NRG3: variants seen among roughly 807,000 people sequenced by gnomAD.
NRG3 encodes neuregulin 3.
Under a neutral mutation model 66.9 loss-of-function variants are expected in NRG3, and 31 were observed. The observed-to-expected ratio is 0.46, with a 90% CI of 0.35 to 0.63. NRG3 has a LOEUF of 0.63. NRG3 is among the 20% of genes least tolerant of loss of function. The probability of loss-of-function intolerance (pLI) is 0.00; values close to 1 mark genes in which losing one functional copy is unlikely to be tolerated. For missense variants in NRG3, 910 were observed against 878.9 expected (o/e 1.04, Z -0.45); for synonymous variants, 393 against 359.4 (o/e 1.09, Z -1.06).
chr10:82,669,781 A>C (rs2134025801), intron 2 of NRG3, among the ~76,000 whole-genome samples: 1 of 152,020 alleles, frequency 6.6e-6, no homozygotes, highest in African/African-American at 2.4e-5. Context: ...ACAAAAAATA[A>C]GCCGGGCGTG....
chr10:82,471,942 A>G (rs1354716446), intron 2 of NRG3, among the ~76,000 whole-genome samples: 1 of 152,106 alleles, frequency 6.6e-6, no homozygotes, highest in Admixed American at 6.6e-5. Context: ...GAGCCAAATT[A>G]TAATTGATTC....
intron 3 of NRG3, among the ~76,000 whole-genome samples, chr10:82,755,116 T>C (rs923331529): frequency 6.6e-6 from 1 of 152,090 alleles, no homozygotes; most frequent in Non-Finnish European, 1.5e-5. Flanking sequence ...TCAGGTAGTT[T>C]GAGTTTTTTT....
intron 1 of NRG3, among the ~76,000 whole-genome samples, chr10:81,944,184 A>G (rs1848642389): frequency 6.6e-6 from 1 of 152,254 alleles, no homozygotes; most frequent in South Asian, 2.1e-4. Flanking sequence ...AAGCAGACAA[A>G]AAGAAATCCA....
At chr10:82,728,272 T>C (rs2057715312) in intron 2 of NRG3, among the ~76,000 whole-genome samples, 1 of 152,138 alleles carries the variant, frequency 6.6e-6, no homozygotes, top group Admixed American at 6.5e-5. Flanking sequence ...ATAATATGGT[T>C]TGGCTGTGTC....
intron 2 of NRG3, among the ~76,000 whole-genome samples, chr10:82,483,565 A>G (rs1037481988): frequency 4.6e-5 from 7 of 152,202 alleles, no homozygotes; most frequent in African/African-American, 1.7e-4. Context: ...CCCTCTGTTT[A>G]ATGTAGATGG....
intron 3 of NRG3, among the ~76,000 whole-genome samples, chr10:82,765,335 G>A (rs572677803): frequency 6.6e-6 from 1 of 152,130 alleles, no homozygotes; most frequent in Admixed American, 6.5e-5. Context: ...CAATGACAAA[G>A]TAATATAAGT....
chr10:82,171,437 G>A lies in NRG3; in HGVS notation c.824-187302G>A, dbSNP rs114224334. On this transcript the variant is annotated intron_variant, in intron 1 of 8. Coordinates refer to ENST00000372141, the MANE Select transcript of NRG3 (RefSeq NM_001010848.4). ...TGTGTAGAGAATTCTTGGCTTAGTT[G>A]CTCTCTGATAGATGCTGTATAGAAT... is the stretch of plus-strand genomic sequence containing the variant. 8.0e-3 allele frequency among the ~76,000 whole-genome samples: 1,219 copies of A among 152,104 alleles called. 11 individuals carry two copies. Among genetic ancestry groups the A allele is most frequent in the African/African-American group, 0.028 (1,149 of 41,498 alleles).
intron 1 of NRG3, among the ~76,000 whole-genome samples, chr10:81,924,823 G>A (rs1199807680): frequency 6.6e-6 from 1 of 152,038 alleles, no homozygotes; most frequent in African/African-American, 2.4e-5. Context: ...AGTTACTGTT[G>A]TTTAATTGAG....
chr10:82,579,126 G>A (rs964350261), intron 2 of NRG3, among the ~76,000 whole-genome samples: 5 of 151,802 alleles, frequency 3.3e-5, no homozygotes, highest in African/African-American at 9.6e-5. Context: ...GGTAATTGTA[G>A]TGTGCAGTTA....
In NRG3 at chr10:82,174,549, T is replaced by G. The variant is rs537952872; in HGVS notation, c.824-184190T>G. On this transcript the variant is annotated intron_variant, in intron 1 of 8. Coordinates refer to ENST00000372141, the MANE Select transcript of NRG3 (RefSeq NM_001010848.4). ...AATCCCACCTGTATTCAAGATCTCA[T>G]TCATTTATATTTCAAGCCTTAATTA... Among the ~76,000 whole-genome samples the G allele has an allele frequency of 3.3e-5, 5 of 152,240 alleles. No homozygotes were observed. The East Asian group carries it at 9.7e-4, about 29-fold the overall frequency.
At chr10:81,904,220 G>A (rs1445976359) in intron 1 of NRG3, among the ~76,000 whole-genome samples, 2 of 151,874 alleles carry the variant, frequency 1.3e-5, no homozygotes, top group Non-Finnish European at 2.9e-5. Context: ...ATGTTGGCTA[G>A]GTTGGTTTTG....
chr10:82,331,776 A>T (rs921313546), intron 1 of NRG3, among the ~76,000 whole-genome samples: 1 of 152,212 alleles, frequency 6.6e-6, no homozygotes, highest in Non-Finnish European at 1.5e-5. Context: ...CAAGGGGAAG[A>T]TGTGACAAAA....
chr10:81,965,620 C>T lies in NRG3; in HGVS notation c.823+89457C>T, dbSNP rs534864709. Among the ~76,000 whole-genome samples the T allele has an allele frequency of 1.6e-3, 237 of 152,026 alleles. 1 individual carries two copies. The highest frequency in any genetic ancestry group is 5.6e-3 in the African/African-American group (230 of 41,412). ...TTTTATGTCATTTCCATAATTTTGT[C>T]CTTGCTCATTATTAGATTTATCCTC... On this transcript the variant is annotated intron_variant, in intron 1 of 8. Coordinates refer to ENST00000372141, the MANE Select transcript of NRG3 (RefSeq NM_001010848.4).
intron 1 of NRG3, 25 bp downstream of exon 1, chr10:81,876,188 A>T: frequency 6.5e-7 from 1 of 1,549,230 alleles, no homozygotes; most frequent in Non-Finnish European, 8.7e-7. Context: ...TGTCTCAACT[A>T]TGATTTACTA....
intron 2 of NRG3, among the ~76,000 whole-genome samples, chr10:82,514,163 C>A (rs1381079267): frequency 1.3e-5 from 2 of 152,132 alleles, no homozygotes; most frequent in Non-Finnish European, 2.9e-5. Context: ...ATAATAATTT[C>A]TTTTGCTGTG....
chr10:82,586,491 T>C (rs1201680696), intron 2 of NRG3, among the ~76,000 whole-genome samples: 2 of 152,148 alleles, frequency 1.3e-5, no homozygotes, highest in African/African-American at 4.8e-5. Context: ...GTTTAATTGC[T>C]GGTTATGCCA....
intron 2 of NRG3, among the ~76,000 whole-genome samples, chr10:82,662,241 G>T (rs1336177753): frequency 8.1e-6 from 1 of 122,974 alleles, no homozygotes; most frequent in Non-Finnish European, 2.0e-5. Flanking sequence ...TCACGAAGTA[G>T]GGTGTGGGTT....
rs1853482116 is a variant in NRG3 at position 82,987,110 on chromosome 10, C to T, written c.*1505C>T. ...AGTGTTCACATATCCAGTCTTTTTCCAATTATTGGTGGTGTTGAGTTGTTA... is the reference window on the plus strand; with the variant it reads ...AGTGTTCACATATCCAGTCTTTTTCTAATTATTGGTGGTGTTGAGTTGTTA... On this transcript the variant is annotated 3_prime_UTR_variant, in exon 9 of 9. Coordinates refer to ENST00000372141, the MANE Select transcript of NRG3 (RefSeq NM_001010848.4). 6.6e-6 allele frequency: 1 copy of T among 152,022 alleles called. No homozygotes were observed. Among genetic ancestry groups the T allele is most frequent in the Admixed American group, 6.6e-5 (1 of 15,262 alleles). 9.4% of individuals were successfully genotyped at this position (152,022 alleles called of 1,614,324 possible).
At chr10:81,990,998 G>A (rs531264074) in intron 1 of NRG3, among the ~76,000 whole-genome samples, 77 of 152,244 alleles carry the variant, frequency 5.1e-4, no homozygotes, top group South Asian at 4.1e-3. Flanking sequence ...GAGAAGCTGA[G>A]TCAAAAATTT....
Sources: allele counts gnomAD v4.1 joint callset (sites outside exome capture counted in the v4.1 genomes callset), GRCh38; gene constraint gnomAD v4.1.1; transcripts MANE v1.5; gene names NCBI Gene and HGNC (gene_info 2026-07-23, HGNC 2026-07-21).